IL1RAPL2: variants seen among roughly 807,000 people sequenced by gnomAD.
IL1RAPL2 encodes the protein X-linked interleukin-1 receptor accessory protein-like 2.
A neutral mutation model predicts 44.1 loss-of-function variants in IL1RAPL2; 3 were observed. The observed-to-expected ratio is 0.07, with a 90% CI of 0.03 to 0.18. The LOEUF is 0.18. Among genes scored for constraint, IL1RAPL2 ranks in the 10% least tolerant of loss-of-function variants. The probability of loss-of-function intolerance (pLI) is 1.00; values close to 1 mark genes in which losing one functional copy is unlikely to be tolerated. For missense variants in IL1RAPL2, 391 were observed against 496.4 expected (o/e 0.79, Z 2.02); for synonymous variants, 181 against 178.8 (o/e 1.01, Z -0.10).
intron 2 of IL1RAPL2, among the ~76,000 whole-genome samples, chrX:104,722,085 G>A (rs946736505): frequency 1.8e-5 from 2 of 110,632 alleles, no homozygotes; most frequent in South Asian, 3.8e-4. Flanking sequence ...ACTTCTAATC[G>A]TGGTAAAAGA....
chrX:104,656,867 G>A (rs185446942), intron 1 of IL1RAPL2, among the ~76,000 whole-genome samples: 66 of 111,328 alleles, frequency 5.9e-4, no homozygotes, highest in African/African-American at 2.1e-3. Context: ...TCCTGTATTG[G>A]GTGCATATAT....
intron 6 of IL1RAPL2, among the ~76,000 whole-genome samples, chrX:105,618,642 T>C (rs748426769): frequency 9.0e-6 from 1 of 111,628 alleles, no homozygotes; most frequent in Non-Finnish European, 1.9e-5. Flanking sequence ...AATTTCCTCA[T>C]GTGAAAAATC....
chrX:105,162,269 AC>A (rs1439109735), intron 2 of IL1RAPL2, among the ~76,000 whole-genome samples: 2 of 112,140 alleles, frequency 1.8e-5, no homozygotes, highest in Admixed American at 9.5e-5. Flanking sequence ...GAGGAAGAAA[AC>A]AAAAAGCCAT....
At chrX:105,194,410 G>A (rs913838603) in intron 2 of IL1RAPL2, among the ~76,000 whole-genome samples, 7 of 112,033 alleles carry the variant, frequency 6.2e-5, no homozygotes, top group East Asian at 2.8e-4. Context: ...AGGATACAGC[G>A]TATTTTGATG....
chrX:105,228,611 C>G (rs140655879), intron 3 of IL1RAPL2, among the ~76,000 whole-genome samples: 59 of 112,238 alleles, frequency 5.3e-4, no homozygotes, highest in African/African-American at 1.9e-3. Flanking sequence ...GAATAGAAAG[C>G]AAGGTTTATT....
chrX:104,996,656 A>T (rs1739334211), intron 2 of IL1RAPL2, among the ~76,000 whole-genome samples: 1 of 112,257 alleles, frequency 8.9e-6, no homozygotes, highest in Non-Finnish European at 1.9e-5. Flanking sequence ...CAATCATTTA[A>T]CAAATGGTTA....
chrX:105,046,506 C>A (rs1366977377), intron 2 of IL1RAPL2, among the ~76,000 whole-genome samples: 2 of 111,799 alleles, frequency 1.8e-5, no homozygotes, highest in Non-Finnish European at 3.8e-5. Flanking sequence ...AAATTCCAGA[C>A]TAAACCTACC....
At chrX:104,804,970 G>A (rs1932911212) in intron 2 of IL1RAPL2, among the ~76,000 whole-genome samples, 1 of 112,296 alleles carries the variant, frequency 8.9e-6, no homozygotes, top group Admixed American at 9.4e-5. Context: ...GAATGGCACA[G>A]ACAAGTGTTC....
intron 5 of IL1RAPL2, among the ~76,000 whole-genome samples, chrX:105,279,542 C>T (rs955149089): frequency 1.1e-4 from 12 of 111,352 alleles, no homozygotes; most frequent in Non-Finnish European, 9.4e-5. Flanking sequence ...TGCAGTGGTG[C>T]GATCTCGGCT....
intron 2 of IL1RAPL2, among the ~76,000 whole-genome samples, chrX:104,947,911 G>T (rs1183393040): frequency 4.5e-5 from 5 of 111,578 alleles, no homozygotes; most frequent in African/African-American, 9.8e-5. Context: ...CTCTTTTTTG[G>T]TTCCATATGA....
intron 5 of IL1RAPL2, among the ~76,000 whole-genome samples, chrX:105,356,882 A>G (rs1236507003): frequency 8.9e-6 from 1 of 112,067 alleles, no homozygotes; most frequent in Non-Finnish European, 1.9e-5. Context: ...TAATGGATTG[A>G]ATGATGTGGG....
intron 6 of IL1RAPL2, among the ~76,000 whole-genome samples, chrX:105,537,741 T>A (rs1308285611): frequency 9.0e-6 from 1 of 111,338 alleles, no homozygotes; most frequent in Non-Finnish European, 1.9e-5. Flanking sequence ...ATTTTGTGTA[T>A]GTGTATGTGT....
chrX:105,466,670 A>T (rs1287196449), intron 5 of IL1RAPL2, among the ~76,000 whole-genome samples: 1 of 112,391 alleles, frequency 8.9e-6, no homozygotes, highest in Admixed American at 9.4e-5. Flanking sequence ...GATTGCCTTG[A>T]TGCAAATGAA....
intron 5 of IL1RAPL2, among the ~76,000 whole-genome samples, chrX:105,414,715 C>T (rs1171186473): frequency 1.8e-5 from 2 of 111,823 alleles, no homozygotes; most frequent in Non-Finnish European, 3.8e-5. Context: ...GGTATACCTT[C>T]TCTGGAATCC....
intron 2 of IL1RAPL2, among the ~76,000 whole-genome samples, chrX:104,819,176 G>A (rs756168511): frequency 1.2e-4 from 14 of 112,237 alleles, no homozygotes; most frequent in East Asian, 1.1e-3. Context: ...ATAGGATTAC[G>A]TCCAGATAAA....
At chrX:104,748,243 C>T (rs982577049) in intron 2 of IL1RAPL2, among the ~76,000 whole-genome samples, 7 of 111,559 alleles carry the variant, frequency 6.3e-5, no homozygotes, top group African/African-American at 2.3e-4. Context: ...GGTAAGGATT[C>T]AATCTTTGAA....
chrX:104,805,632 T>C (rs1932917183), intron 2 of IL1RAPL2, among the ~76,000 whole-genome samples: 1 of 112,175 alleles, frequency 8.9e-6, no homozygotes, highest in South Asian at 3.7e-4. Flanking sequence ...AAAGTTCTTA[T>C]AGCACTGAAA....
intron 2 of IL1RAPL2, among the ~76,000 whole-genome samples, chrX:105,157,837 T>G (rs2033282202): frequency 8.9e-6 from 1 of 112,455 alleles, no homozygotes; most frequent in Admixed American, 9.4e-5. Context: ...AGTTTTGTTA[T>G]TGTTAAAATA....
chrX:105,472,475 G>A (rs1044009766), intron 5 of IL1RAPL2, among the ~76,000 whole-genome samples: 5 of 111,711 alleles, frequency 4.5e-5, no homozygotes, highest in Admixed American at 9.5e-5. Flanking sequence ...AACAATTCTT[G>A]CTTTCCTAGT....
Sources: allele counts gnomAD v4.1 joint callset (sites outside exome capture counted in the v4.1 genomes callset), GRCh38; gene constraint gnomAD v4.1.1; transcripts MANE v1.5; gene names NCBI Gene and HGNC (gene_info 2026-07-23, HGNC 2026-07-21).